The following MLXIP variants were observed in gnomAD, a reference collection of about 807,000 sequenced individuals.
MLXIP encodes MLX interacting protein, also known as MLX-interacting protein.
In MLXIP, 30 loss-of-function variants were observed where a neutral mutation model predicts 87.2. The observed-to-expected ratio is 0.34, with a 90% CI of 0.26 to 0.47. MLXIP has a LOEUF of 0.47. Among genes scored for constraint, MLXIP ranks in the 20% least tolerant of loss-of-function variants. MLXIP has a pLI of 1.00. For missense variants in MLXIP, 1,002 were observed against 1,240.1 expected (o/e 0.81, Z 2.88); for synonymous variants, 530 against 514.0 (o/e 1.03, Z -0.42).
At chr12:122,083,477 C>T (rs964972493) in intron 1 of MLXIP, among the ~76,000 whole-genome samples, 10 of 151,402 alleles carry the variant, frequency 6.6e-5, no homozygotes, top group Admixed American at 3.9e-4. Flanking sequence ...TGCAATGGTG[C>T]GATCTCGGCT....
Position 122,142,006 on chromosome 12 carries a change from C to A in MLXIP, c.*194C>A. ...GGGCCTGCTGACAGCAATAGCCCGC[C>A]TTTGGGAACCCCTTGCTGTGAACTC... On this transcript the variant is annotated 3_prime_UTR_variant, in exon 17 of 17. Coordinates refer to ENST00000319080, the MANE Select transcript of MLXIP (RefSeq NM_014938.6). The A allele has an allele frequency of 1.3e-6, 1 of 761,950 alleles. No individual in the cohort carries two copies. Among genetic ancestry groups the A allele is most frequent in the African/African-American group, 1.7e-5 (1 of 57,808 alleles). 47.2% of individuals were successfully genotyped at this position (761,950 alleles called of 1,614,324 possible).
chr12:122,133,905 G>A lies in MLXIP; in HGVS notation c.1650G>A (p.Arg550=), dbSNP rs1436933249. The A allele has an allele frequency of 6.2e-7, 1 of 1,609,622 alleles. No homozygotes were observed. The highest frequency in any genetic ancestry group is 8.5e-7 in the Non-Finnish European group (1 of 1,178,306). Reference sequence around the variant, plus strand: ...AACCTGTATCCTTGACTGGGGGCAGGCCTAAGCAGCCCCACAAAATAGTGC... The same window carrying A: ...AACCTGTATCCTTGACTGGGGGCAGACCTAAGCAGCCCCACAAAATAGTGC... ...HPKPVSLTGG[R]PKQPHKIVPA... Residue 550 remains arginine, a synonymous_variant, in exon 9 of 17, where the codon AGG becomes AGA. Transcript: ENST00000319080. The surrounding 1 kb of genome is among the most constrained non-coding windows in gnomAD (Gnocchi z 4.9).
intron 15 of MLXIP, 99 bp downstream of exon 15, chr12:122,139,037 G>T: frequency 5.9e-6 from 9 of 1,526,326 alleles, no homozygotes; most frequent in Non-Finnish European, 8.0e-6. Flanking sequence ...CTCTTTAAAT[G>T]CCTGTCACCA....
chr12:122,132,400 G>A lies in MLXIP; in HGVS notation c.1092+17G>A, dbSNP rs774823237. 115 of 1,591,502 alleles carry A rather than the reference G, an allele frequency of 7.2e-5. No homozygotes were observed. The highest frequency in any genetic ancestry group is 9.8e-5 in the Non-Finnish European group (114 of 1,164,600). On this transcript the variant is annotated intron_variant, in intron 8 of 16. Coordinates refer to ENST00000319080, the MANE Select transcript of MLXIP (RefSeq NM_014938.6). Reference sequence around the variant, plus strand: ...CCTGCACAGGTAGAGGAAGCTGGGGGATGGGTGGGGGAAGGGGCTGGCAGG... The same window carrying A: ...CCTGCACAGGTAGAGGAAGCTGGGGAATGGGTGGGGGAAGGGGCTGGCAGG...
intron 1 of MLXIP, among the ~76,000 whole-genome samples, chr12:122,105,779 C>CAA (rs1047110196): frequency 3.7e-5 from 5 of 133,496 alleles, no homozygotes; most frequent in Admixed American, 7.5e-5. Context: ...GACTCCGTCT[C>CAA]AAAAAAAAAA....
chr12:122,127,670 A>G (rs1952902253), intron 2 of MLXIP, among the ~76,000 whole-genome samples: 1 of 152,238 alleles, frequency 6.6e-6, no homozygotes, highest in African/African-American at 2.4e-5. Flanking sequence ...CTGAGAAGCC[A>G]CACTGCCTCT....
chr12:122,096,044 T>C (rs1013305845), intron 1 of MLXIP, among the ~76,000 whole-genome samples: 1 of 151,648 alleles, frequency 6.6e-6, no homozygotes, highest in African/African-American at 2.4e-5. Context: ...TTTAATAGAG[T>C]GTGAACATCC....
chr12:122,092,161 G>A (rs766972283), intron 1 of MLXIP, among the ~76,000 whole-genome samples: 1 of 151,314 alleles, frequency 6.6e-6, no homozygotes, highest in Non-Finnish European at 1.5e-5. Flanking sequence ...GCAGTGGCGC[G>A]ATCTCAGCTC....
At position 122,133,865 on chromosome 12, in the gene MLXIP, C is replaced by G; in HGVS notation, c.1610C>G (p.Thr537Ser). 1 of 1,612,728 alleles carries G rather than the reference C, an allele frequency of 6.2e-7. No homozygotes were observed. The highest frequency in any genetic ancestry group is 1.1e-5 in the South Asian group (1 of 90,830). The change falls in exon 9 of 17, where the codon ACT (threonine) becomes AGT (serine). Residue 537 changes from threonine (T) to serine (S), a missense_variant. Physicochemically the swap from Thr to Ser is moderately conservative, Grantham distance 58 (BLOSUM62 1). Around this residue, in one of 3 missense-constraint regions of MLXIP, gnomAD observed 746 missense variants for 897.0 expected, o/e 0.83. Coordinates refer to ENST00000319080, the MANE Select transcript of MLXIP (RefSeq NM_014938.6). The surrounding 1 kb of genome is among the most constrained non-coding windows in gnomAD (Gnocchi z 4.9). Reference sequence around the variant, plus strand: ...ACCCGGCCTCCCCAGCCACGGTTAACTTTTGTGCACCCCAAACCTGTATCC... The same window carrying G: ...ACCCGGCCTCCCCAGCCACGGTTAAGTTTTGTGCACCCCAAACCTGTATCC... ...PVTRPPQPRL[T>S]FVHPKPVSLT... is the part of the protein sequence containing the mutation.
At chr12:122,109,601 GGC>G (rs1247875808) in intron 1 of MLXIP, among the ~76,000 whole-genome samples, 1 of 152,222 alleles carries the variant, frequency 6.6e-6, no homozygotes, top group Non-Finnish European at 1.5e-5. Context: ...CAGATGGGTT[GGC>G]TGAGGAGATT....
At chr12:122,118,179 G>A (rs1203946037) in intron 1 of MLXIP, among the ~76,000 whole-genome samples, 3 of 151,968 alleles carry the variant, frequency 2.0e-5, no homozygotes, top group Admixed American at 2.0e-4. Context: ...GCTGGACAAA[G>A]GGATGAGTCA....
chr12:122,093,769 T>G (rs1273957464), intron 1 of MLXIP, among the ~76,000 whole-genome samples: 61,314 of 129,004 alleles, frequency 0.48, 14,850 homozygotes, highest in Admixed American at 0.54. Flanking sequence ...AGTGTGTGTG[T>G]GGTGTGTGTA....
intron 1 of MLXIP, among the ~76,000 whole-genome samples, chr12:122,125,402 T>C (rs1409448250): frequency 1.3e-5 from 2 of 152,242 alleles, no homozygotes; most frequent in African/African-American, 2.4e-5. Context: ...TTAATATCTT[T>C]GTGTTTGCTT....
intron 1 of MLXIP, among the ~76,000 whole-genome samples, chr12:122,090,437 C>T (rs1952228982): frequency 6.6e-6 from 1 of 151,640 alleles, no homozygotes. Context: ...GCAGAGGTTA[C>T]AGTGAGCCAA....
In MLXIP at chr12:122,135,472, C is replaced by T; in HGVS notation, c.1855-17C>T. ...ATATCAGCAGTCAGGGGTGACCTGT[C>T]TCCCATGTCACTGCAGGCTCCTGGG... On this transcript the variant is annotated splice_polypyrimidine_tract_variant and intron_variant, in intron 10 of 16. Transcript: ENST00000319080. The surrounding 1 kb of genome is among the most constrained non-coding windows in gnomAD (Gnocchi z 5.3). 1 of 1,609,676 alleles carries T rather than the reference C, an allele frequency of 6.2e-7. No individual in the cohort carries two copies. Among genetic ancestry groups the T allele is most frequent in the Middle Eastern group, 1.7e-4 (1 of 6,052 alleles).
At chr12:122,084,807 C>A (rs2135892838) in intron 1 of MLXIP, among the ~76,000 whole-genome samples, 1 of 152,308 alleles carries the variant, frequency 6.6e-6, no homozygotes, top group Middle Eastern at 3.4e-3. Flanking sequence ...CTCGGCCTCC[C>A]AAAGTGCTGA....
Position 122,113,810 on chromosome 12 carries a change from G to A in MLXIP, c.414-13446G>A, listed in dbSNP as rs1272628570. On this transcript the variant is annotated intron_variant, in intron 1 of 16. Coordinates refer to ENST00000319080, the MANE Select transcript of MLXIP (RefSeq NM_014938.6). ...TGCCATTCTCCTGCGTCAGCCTCCC[G>A]AGGAGCTGGGAGTACAGGCACCCGC... Among the ~76,000 whole-genome samples, 5 of 145,342 alleles carry A rather than the reference G, an allele frequency of 3.4e-5. No homozygotes were observed. The South Asian group carries it at 9.1e-4, about 26-fold the overall frequency.
intron 15 of MLXIP, among the ~76,000 whole-genome samples, chr12:122,139,339 G>A (rs1013541656): frequency 1.3e-5 from 2 of 152,194 alleles, no homozygotes; most frequent in African/African-American, 2.4e-5. Flanking sequence ...GCGGAAACCA[G>A]GACTCCCTCC....
chr12:122,111,026 G>T (rs1032840398), intron 1 of MLXIP, among the ~76,000 whole-genome samples: 28 of 143,764 alleles, frequency 1.9e-4, no homozygotes, highest in Non-Finnish European at 3.1e-4. Context: ...GCAGTGAGCC[G>T]AGATGGCGCC....
Sources: gnomAD v4.1 joint callset for allele counts (sites outside exome capture counted in the v4.1 genomes callset) on GRCh38, gnomAD v4.1.1 for gene constraint, gnomAD v4.1.1 regional missense constraint, Gnocchi (gnomAD v3.1) non-coding constraint, MANE v1.5 for transcripts, NCBI Gene and HGNC (gene_info 2026-07-23, HGNC 2026-07-21) for gene names.